Variants in CDH12 observed in about 807,000 individuals in gnomAD.
CDH12 encodes the protein cadherin 12.
In CDH12, 41 loss-of-function variants were observed where a neutral mutation model predicts 74.1. The observed-to-expected ratio is 0.55, with a 90% CI of 0.43 to 0.72. The LOEUF (loss-of-function observed/expected upper bound fraction) is 0.72. Among genes scored for constraint, CDH12 ranks in the 30% least tolerant of loss-of-function variants. The probability of loss-of-function intolerance (pLI) is 0.00; values close to 1 mark genes in which losing one functional copy is unlikely to be tolerated. For synonymous variants in CDH12, 399 were observed against 355.0 expected, an observed-to-expected ratio of 1.12 and a Z score of -1.39; for missense variants, 945 against 977.2, an observed-to-expected ratio of 0.97 and a Z score of 0.44.
chr5:22,333,073 T>G (rs762651385), intron 3 of CDH12, among the ~76,000 whole-genome samples: 2 of 152,020 alleles, frequency 1.3e-5, no homozygotes, highest in Non-Finnish European at 2.9e-5. Flanking sequence ...ACCCAAATGC[T>G]CTTCAATGAT....
intron 3 of CDH12, among the ~76,000 whole-genome samples, chr5:22,381,784 T>G: frequency 6.6e-6 from 1 of 151,670 alleles, no homozygotes; most frequent in East Asian, 1.9e-4. Context: ...TCCTTAAATA[T>G]ATCTGGTTTT....
At chr5:21,914,619 C>T (rs1463824363) in intron 6 of CDH12, among the ~76,000 whole-genome samples, 10 of 152,126 alleles carry the variant, frequency 6.6e-5, no homozygotes, top group Non-Finnish European at 4.4e-5. Context: ...AAAACTCAGG[C>T]AGGAGTTGAT....
At chr5:21,943,863 G>A (rs1455664216) in intron 6 of CDH12, among the ~76,000 whole-genome samples, 2 of 152,060 alleles carry the variant, frequency 1.3e-5, no homozygotes, top group East Asian at 1.9e-4. Context: ...AACTTGACAC[G>A]AATGACACCA....
intron 1 of CDH12, among the ~76,000 whole-genome samples, chr5:22,685,446 C>T (rs1345696223): frequency 1.3e-5 from 2 of 152,140 alleles, no homozygotes; most frequent in Non-Finnish European, 2.9e-5. Flanking sequence ...CTACGTCGGC[C>T]AGGATGGTCT....
At chr5:22,153,789 T>C (rs1747779416) in intron 4 of CDH12, among the ~76,000 whole-genome samples, 1 of 147,074 alleles carries the variant, frequency 6.8e-6, no homozygotes, top group South Asian at 2.1e-4. Flanking sequence ...AGATATGAAA[T>C]CAACCTAAAT....
rs550725482 is a variant in CDH12, at chr5:22,589,376, T to C, written c.-522-84012A>G. ...GAGCCAATCTTCAAACAAGGGAGCA[T>C]AAAAATCAATGTTTGATGTTGTAAT... On this transcript the variant is annotated intron_variant, in intron 1 of 14. Transcript: ENST00000382254. Among the ~76,000 whole-genome samples the C allele has an allele frequency of 4.6e-5, 7 of 152,234 alleles. No homozygotes were observed. In the South Asian group the frequency reaches 1.0e-3, roughly 23 times the overall value.
intron 4 of CDH12, among the ~76,000 whole-genome samples, chr5:22,189,473 T>C (rs1400018366): frequency 6.6e-6 from 1 of 152,070 alleles, no homozygotes; most frequent in Non-Finnish European, 1.5e-5. Context: ...TGCTGAGATA[T>C]TGCATACTGT....
At chr5:22,307,262 G>A (rs2150424602) in intron 3 of CDH12, among the ~76,000 whole-genome samples, 1 of 152,300 alleles carries the variant, frequency 6.6e-6, no homozygotes, top group Middle Eastern at 3.4e-3. Context: ...GCATTTTCCA[G>A]AGAGTAAAAT....
intron 5 of CDH12, among the ~76,000 whole-genome samples, chr5:21,992,835 C>T (rs1204769352): frequency 6.6e-6 from 1 of 152,026 alleles, no homozygotes; most frequent in African/African-American, 2.4e-5. Context: ...TTTCACTCTG[C>T]TGTAAAGAAT....
chr5:22,039,288 C>G (rs1279671682), intron 5 of CDH12, among the ~76,000 whole-genome samples: 8 of 152,064 alleles, frequency 5.3e-5, no homozygotes, highest in Non-Finnish European at 1.0e-4. Flanking sequence ...GAGCTGGGCC[C>G]TGGTACCCAG....
rs114831296 is a variant in CDH12, at chr5:22,510,565, C to G, written c.-522-5201G>C. ...AGCCACAAGGGATTGGTTCCAGGAC[C>G]CTCCTAGGTATCAAGAGCCACAGAC... On this transcript the variant is annotated intron_variant, in intron 1 of 14. Transcript: ENST00000382254. 8.8e-3 allele frequency among the ~76,000 whole-genome samples: 1,335 copies of G among 152,164 alleles called. 21 individuals carry two copies. Among genetic ancestry groups the G allele is most frequent in the African/African-American group, 0.031 (1,269 of 41,516 alleles).
At chr5:21,919,024 C>T (rs1000847076) in intron 6 of CDH12, among the ~76,000 whole-genome samples, 2 of 152,090 alleles carry the variant, frequency 1.3e-5, no homozygotes, top group Admixed American at 1.3e-4. Flanking sequence ...GCAAATTTCA[C>T]TTGATTGCTC....
At chr5:22,251,929 A>C (rs1753149856) in intron 3 of CDH12, among the ~76,000 whole-genome samples, 2 of 152,172 alleles carry the variant, frequency 1.3e-5, no homozygotes, top group South Asian at 2.1e-4. Flanking sequence ...ATAATGGTGA[A>C]CACATGGGTA....
At chr5:22,354,194 T>A (rs1740468387) in intron 3 of CDH12, among the ~76,000 whole-genome samples, 1 of 152,130 alleles carries the variant, frequency 6.6e-6, no homozygotes, top group African/African-American at 2.4e-5. Context: ...AGGTGGGGAA[T>A]AATGGAAATG....
intron 4 of CDH12, among the ~76,000 whole-genome samples, chr5:22,080,775 TTTC>T (rs1414411467): frequency 2.6e-5 from 4 of 152,066 alleles, no homozygotes; most frequent in African/African-American, 9.7e-5. Context: ...TGCTTCTTTC[TTTC>T]TTTTTTCTTT....
At chr5:22,246,616 C>T (rs942183590) in intron 3 of CDH12, among the ~76,000 whole-genome samples, 1 of 152,118 alleles carries the variant, frequency 6.6e-6, no homozygotes, top group Non-Finnish European at 1.5e-5. Flanking sequence ...AAAGATTCAA[C>T]ATTTAGTTCT....
intron 3 of CDH12, among the ~76,000 whole-genome samples, chr5:22,345,328 T>C (rs1359780427): frequency 6.6e-6 from 1 of 152,214 alleles, no homozygotes. Context: ...CCTGTAACTG[T>C]CGAGTTGGTC....
Position 22,135,594 on chromosome 5 carries a change from G to A in CDH12, c.-186-56732C>T, listed in dbSNP as rs191560752. ...CATTTAATTTAGAAATAAATAATTCGCAAATCAGGGCATATATTCAGACCG... is the reference window on the plus strand; with the variant it reads ...CATTTAATTTAGAAATAAATAATTCACAAATCAGGGCATATATTCAGACCG... On this transcript the variant is annotated intron_variant, in intron 4 of 14. Coordinates refer to ENST00000382254, the MANE Select transcript of CDH12 (RefSeq NM_004061.5). Among the ~76,000 whole-genome samples, 199 of 152,078 alleles carry A rather than the reference G, an allele frequency of 1.3e-3. 1 individual carries two copies. Among genetic ancestry groups the A allele is most frequent in the African/African-American group, 4.4e-3 (182 of 41,502 alleles).
intron 2 of CDH12, among the ~76,000 whole-genome samples, chr5:22,424,500 C>T (rs1222142905): frequency 6.6e-6 from 1 of 152,140 alleles, no homozygotes; most frequent in African/African-American, 2.4e-5. Context: ...AGACCAACTG[C>T]CACCAGAAAG....
Sources: allele counts gnomAD v4.1 joint callset (sites outside exome capture counted in the v4.1 genomes callset), GRCh38; gene constraint gnomAD v4.1.1; transcripts MANE v1.5; gene names NCBI Gene and HGNC (gene_info 2026-07-23, HGNC 2026-07-21).